Variants in KANK1 observed in about 807,000 individuals in gnomAD.
KANK1 encodes KN motif and ankyrin repeat domains 1, also known as KN motif and ankyrin repeat domain-containing protein 1.
Under a neutral mutation model 106.2 loss-of-function variants are expected in KANK1, and 109 were observed. That is an observed-to-expected ratio of 1.03 (90% CI 0.88 to 1.20). The LOEUF (loss-of-function observed/expected upper bound fraction) is 1.20, where lower values mean the gene tolerates loss of function less well. KANK1 is among the 50% of genes most tolerant of loss of function. The pLI is 0.00. For missense variants in KANK1, 2,399 were observed against 1,710.7 expected, an observed-to-expected ratio of 1.40 and a Z score of -7.10; for synonymous variants, 873 against 652.2, an observed-to-expected ratio of 1.34 and a Z score of -5.16.
chr9:521,977 T>G (rs1439448272), intron 1 of KANK1, among the ~76,000 whole-genome samples: 3 of 151,864 alleles, frequency 2.0e-5, no homozygotes, highest in African/African-American at 7.3e-5. Context: ...TGATCCCTTT[T>G]GCCTCTCTCA....
At chr9:610,273 A>G (rs1830262247) in intron 1 of KANK1, among the ~76,000 whole-genome samples, 2 of 152,222 alleles carry the variant, frequency 1.3e-5, no homozygotes, top group South Asian at 2.1e-4. Context: ...CTAATAAATT[A>G]GAATATTAGA....
intron 1 of KANK1, among the ~76,000 whole-genome samples, chr9:597,599 G>A (rs576773711): frequency 6.6e-6 from 1 of 151,632 alleles, no homozygotes; most frequent in Non-Finnish European, 1.5e-5. Flanking sequence ...CTGGATACTA[G>A]ACCCTTAATA....
chr9:613,549 CA>C (rs1419047342), intron 1 of KANK1, among the ~76,000 whole-genome samples: 1 of 151,956 alleles, frequency 6.6e-6, no homozygotes, highest in Non-Finnish European at 1.5e-5. Flanking sequence ...CCAGGGAAGC[CA>C]AAACGTTGGA....
At chr9:579,878 A>C (rs1300777001) in intron 1 of KANK1, among the ~76,000 whole-genome samples, 1 of 152,144 alleles carries the variant, frequency 6.6e-6, no homozygotes, top group Non-Finnish European at 1.5e-5. Context: ...CCAGACAGTG[A>C]ATCAGTCCTG....
chr9:586,677 G>A (rs1823550029), intron 1 of KANK1, among the ~76,000 whole-genome samples: 1 of 152,178 alleles, frequency 6.6e-6, no homozygotes, highest in South Asian at 2.1e-4. Flanking sequence ...TGCATGTGCT[G>A]AATTATGTTT....
chr9:712,681 G>A lies in KANK1; in HGVS notation c.1915G>A (p.Val639Ile), dbSNP rs114440343. The change falls in exon 3 of 12, where the codon GTC becomes ATC. Residue 639 changes from valine to isoleucine, a missense_variant. Transcript: ENST00000382297. Reference sequence around the variant, plus strand: ...TGGAGATTGTTCTGTTGACGTGACCGTCTGCTCTCCAAAGGAGTGCGCCTC... The same window carrying A: ...TGGAGATTGTTCTGTTGACGTGACCATCTGCTCTCCAAAGGAGTGCGCCTC... The part of the protein sequence containing the change: ...GCGDCSVDVT[V>I]CSPKECASRG... 8.1e-5 allele frequency: 130 copies of A among 1,614,086 alleles called. No homozygotes were observed. In the East Asian group the frequency reaches 2.3e-3, roughly 28 times the overall value.
intron 1 of KANK1, among the ~76,000 whole-genome samples, chr9:639,386 C>T (rs1423520196): frequency 6.6e-6 from 1 of 152,050 alleles, no homozygotes; most frequent in Admixed American, 6.6e-5. Flanking sequence ...AGTGCAGTGG[C>T]ACGATCTGCA....
At chr9:671,577 C>T (rs1180500411) in intron 1 of KANK1, among the ~76,000 whole-genome samples, 6 of 122,030 alleles carry the variant, frequency 4.9e-5, no homozygotes, top group Admixed American at 2.1e-4. Flanking sequence ...GATGGCGCCA[C>T]TGTGCTCCAG....
chr9:512,249 G>GTGTGTGTGTGTGTGTGTGTGTA (rs370159663), intron 1 of KANK1, among the ~76,000 whole-genome samples: 44 of 149,616 alleles, frequency 2.9e-4, no homozygotes, highest in African/African-American at 1.0e-3. Context: ...GTGTGTGTGT[G>GTGTGTGTGTGTGTGTGTGTGTA]TATGTATATA....
chr9:475,059 C>G (rs2058080495), intron 3 of KANK1, among the ~76,000 whole-genome samples: 1 of 152,014 alleles, frequency 6.6e-6, no homozygotes, highest in African/African-American at 2.4e-5. Flanking sequence ...GCAGCCAGCA[C>G]CAGGGAAAGG....
At chr9:559,720 G>T (rs1815881700) in intron 1 of KANK1, among the ~76,000 whole-genome samples, 1 of 152,182 alleles carries the variant, frequency 6.6e-6, no homozygotes, top group Non-Finnish European at 1.5e-5. Flanking sequence ...CTGACATAGG[G>T]AATGAGAGAT....
rs778572128 is a variant in KANK1, at chr9:620,923, T to A, written c.-83-55967T>A. Among the ~76,000 whole-genome samples, 13 of 152,308 alleles carry A rather than the reference T, an allele frequency of 8.5e-5. No individual in the cohort carries two copies. The East Asian group carries it at 1.3e-3, about 16-fold the overall frequency. ...AATTTTGGGGTACCAGTTTACTAAT[T>A]GATCAAATTCCAGATTGGAAATTAG... On this transcript the variant is annotated intron_variant, in intron 1 of 11. Transcript: ENST00000382297.
intron 1 of KANK1, among the ~76,000 whole-genome samples, chr9:609,888 G>C (rs1830175056): frequency 6.6e-6 from 1 of 152,006 alleles, no homozygotes; most frequent in African/African-American, 2.4e-5. Flanking sequence ...ACGTAGAATT[G>C]TACCACTCTC....
chr9:726,430 G>T (rs1830650698), intron 3 of KANK1, among the ~76,000 whole-genome samples: 1 of 152,120 alleles, frequency 6.6e-6, no homozygotes, highest in Non-Finnish European at 1.5e-5. Flanking sequence ...CCTGAGGTCA[G>T]GAGTTCGAGT....
intron 1 of KANK1, among the ~76,000 whole-genome samples, chr9:651,763 A>G (rs1840928412): frequency 6.6e-6 from 1 of 152,220 alleles, no homozygotes; most frequent in African/African-American, 2.4e-5. Context: ...AGACTTGTGG[A>G]TGAGAGAATT....
chr9:494,515 A>C (rs1184090175), intron 3 of KANK1, among the ~76,000 whole-genome samples: 2 of 152,180 alleles, frequency 1.3e-5, no homozygotes, highest in Non-Finnish European at 2.9e-5. Context: ...AAGCAATGGT[A>C]TATCACTTCT....
intron 1 of KANK1, among the ~76,000 whole-genome samples, chr9:639,216 A>G (rs1256263466): frequency 3.3e-5 from 5 of 151,994 alleles, no homozygotes; most frequent in African/African-American, 1.2e-4. Context: ...TTAAATATAC[A>G]CCTTCCCTTT....
chr9:515,213 C>T (rs928921011), intron 1 of KANK1, among the ~76,000 whole-genome samples: 4 of 151,188 alleles, frequency 2.6e-5, no homozygotes, highest in Admixed American at 6.6e-5. Context: ...GGCGTGGTGG[C>T]GGGAGCCTGT....
chr9:697,649 G>T (rs1362699202), intron 2 of KANK1, among the ~76,000 whole-genome samples: 1 of 152,028 alleles, frequency 6.6e-6, no homozygotes, highest in African/African-American at 2.4e-5. Context: ...ATAATTCCTT[G>T]TATATATTAG....
Sources: gnomAD v4.1 joint callset for allele counts (sites outside exome capture counted in the v4.1 genomes callset) on GRCh38, gnomAD v4.1.1 for gene constraint, MANE v1.5 for transcripts, NCBI Gene and HGNC (gene_info 2026-07-23, HGNC 2026-07-21) for gene names.